PDCD4: variants seen among roughly 807,000 people sequenced by gnomAD.
The protein encoded by PDCD4 is programmed cell death 4, also known as programmed cell death protein 4.
In PDCD4, 56 loss-of-function variants were observed where a neutral mutation model predicts 54.0. The ratio of observed to expected loss-of-function variants is 1.04; its 90% CI spans 0.84 to 1.30. PDCD4 has a LOEUF of 1.30. PDCD4 is among the 50% of genes most tolerant of loss of function. The probability of loss-of-function intolerance (pLI) is 0.00; values close to 1 mark genes in which losing one functional copy is unlikely to be tolerated. For synonymous variants in PDCD4, 186 were observed against 194.8 expected (o/e 0.95, Z 0.37); for missense variants, 584 against 559.8 (o/e 1.04, Z -0.44).
intron 2 of PDCD4, among the ~76,000 whole-genome samples, chr10:110,880,961 TA>T (rs765488728): frequency 6.6e-6 from 1 of 152,226 alleles, no homozygotes; most frequent in Non-Finnish European, 1.5e-5. Context: ...CTTCTTTTGG[TA>T]AAAACAAACA....
At chr10:110,874,550 G>A (rs1027858541) in intron 1 of PDCD4, among the ~76,000 whole-genome samples, 5 of 151,676 alleles carry the variant, frequency 3.3e-5, no homozygotes, top group East Asian at 3.9e-4. Flanking sequence ...TAAAGTTGGC[G>A]GGAGTTATAG....
chr10:110,877,316 C>A (rs1271753398), intron 2 of PDCD4, among the ~76,000 whole-genome samples: 1 of 152,180 alleles, frequency 6.6e-6, no homozygotes, highest in Non-Finnish European at 1.5e-5. Context: ...AAGTGATCCT[C>A]CCTCTTCAGC....
chr10:110,878,476 T>G (rs945332868), intron 2 of PDCD4, among the ~76,000 whole-genome samples: 2 of 152,226 alleles, frequency 1.3e-5, no homozygotes, highest in African/African-American at 4.8e-5. Context: ...ATGAAAGCAC[T>G]ATGTTACAGG....
At chr10:110,878,766 T>C (rs1028395701) in intron 2 of PDCD4, among the ~76,000 whole-genome samples, 8 of 152,190 alleles carry the variant, frequency 5.3e-5, no homozygotes, top group Non-Finnish European at 1.0e-4. Flanking sequence ...AAAATGAGGA[T>C]AAACAGTTTC....
rs1845725276 is a variant in PDCD4, at chr10:110,889,578, T to C, written c.823T>C (p.Cys275Arg). The change falls in exon 7 of 12, where the codon TGT (cysteine) becomes CGT (arginine). Residue 275 changes from cysteine (C) to arginine (R), a missense_variant. Physicochemically the swap from Cys to Arg is radical, Grantham distance 180. Coordinates refer to ENST00000280154, the MANE Select transcript of PDCD4 (RefSeq NM_014456.5). ...TAGAGCTGTTGGAGATGGAATTTTA[T>C]GTAATACCTATATTGATAGTTACAA... is the stretch of plus-strand genomic sequence containing the variant. ...IARAVGDGILCNTYIDSYKGT... is the reference protein window; with the variant it reads ...IARAVGDGILRNTYIDSYKGT... The C allele has an allele frequency of 3.1e-6, 5 of 1,608,792 alleles. No homozygotes were observed. The highest frequency in any genetic ancestry group is 1.7e-4 in the Middle Eastern group (1 of 6,060).
chr10:110,876,203 C>A (rs1249013859), intron 2 of PDCD4, 133 bp downstream of exon 2: 1 of 604,456 alleles, frequency 1.7e-6, no homozygotes, highest in Non-Finnish European at 2.8e-6. Context: ...AGAGATCCTC[C>A]CCTATCTCAG....
chr10:110,894,067 C>G (rs1342043903), intron 8 of PDCD4, 24 bp from the exon 9 acceptor site: 1 of 1,361,914 alleles, frequency 7.3e-7, no homozygotes, highest in East Asian at 2.3e-5. Flanking sequence ...AATTCTGACA[C>G]ATCTCAACTT....
intron 4 of PDCD4, chr10:110,885,038 C>T: frequency 2.8e-6 from 1 of 363,450 alleles, no homozygotes; most frequent in Non-Finnish European, 5.0e-6. Context: ...TCAAGTGAAC[C>T]TCCCGCCTTT....
At position 110,889,610 on chromosome 10, in the gene PDCD4, T is replaced by G. The variant is rs199701059; in HGVS notation, c.855T>G (p.Thr285=). The change falls in exon 7 of 12, where the codon ACT becomes ACG. Residue 285 remains threonine (T), a synonymous_variant. Transcript: ENST00000280154. ...CCTATATTGATAGTTACAAAGGAAC[T>G]GTAGATTGTGTGCAGGCTAGGTAAG... ...CNTYIDSYKG[T]VDCVQARAAL... 1.3e-6 allele frequency: 2 copies of G among 1,591,566 alleles called. No individual in the cohort carries two copies. The highest frequency in any genetic ancestry group is 1.7e-5 in the Admixed American group (1 of 59,804).
Position 110,893,724 on chromosome 10 carries a change from C to T in PDCD4, c.991-367C>T, listed in dbSNP as rs749450025. Among the ~76,000 whole-genome samples the T allele has an allele frequency of 3.9e-5, 6 of 151,926 alleles. 1 individual carries two copies. Among genetic ancestry groups the T allele is most frequent in the Admixed American group, 2.0e-4 (3 of 15,230 alleles). ...TTGATAGAAGTGAAATATTTTGTGC[C>T]ACTTTATGTTGAAACTTTGTTAGTG... On this transcript the variant is annotated intron_variant, in intron 8 of 11. Coordinates refer to ENST00000280154, the MANE Select transcript of PDCD4 (RefSeq NM_014456.5).
chr10:110,882,892 G>A (rs987713571), intron 3 of PDCD4, 111 bp from the exon 4 acceptor site: 7 of 705,336 alleles, frequency 9.9e-6, no homozygotes, highest in East Asian at 3.0e-5. Flanking sequence ...AAACTAACAC[G>A]TTAAATACAA....
At chr10:110,872,998 G>C (rs1845445446) in intron 1 of PDCD4, among the ~76,000 whole-genome samples, 1 of 152,178 alleles carries the variant, frequency 6.6e-6, no homozygotes, top group Admixed American at 6.5e-5. Flanking sequence ...GGAAAAAAGG[G>C]TTTCCCCTGT....
chr10:110,876,292 C>G (rs1845503339), intron 2 of PDCD4, among the ~76,000 whole-genome samples: 1 of 152,130 alleles, frequency 6.6e-6, no homozygotes, highest in African/African-American at 2.4e-5. Context: ...TAGGATTTCA[C>G]TATGTTGCCT....
At position 110,898,389 on chromosome 10, in the gene PDCD4, T is replaced by C; in HGVS notation, c.*301T>C. ...CTAATCATTCCAAGTTTTGCATTGA[T>C]GTCTGACTGCCACTCCTTTCTTTCA... is the stretch of plus-strand genomic sequence containing the variant. On this transcript the variant is annotated 3_prime_UTR_variant, in exon 12 of 12. Transcript: ENST00000280154. 4.6e-6 allele frequency: 1 copy of C among 219,236 alleles called. No individual in the cohort carries two copies. The highest frequency in any genetic ancestry group is 8.9e-6 in the Non-Finnish European group (1 of 112,440). The allele number at this position is 219,236 out of a possible 1,614,324, so 13.6% of individuals were successfully genotyped here.
In PDCD4 at chr10:110,895,918, A is replaced by G. The variant is rs371187083; in HGVS notation, c.1210-30A>G. 2.0e-6 allele frequency: 3 copies of G among 1,523,394 alleles called. No individual in the cohort carries two copies. The African/African-American group carries it at 4.3e-5, about 22-fold the overall frequency. The allele number at this position is 1,523,394 out of a possible 1,614,324, so 94.4% of individuals were successfully genotyped here. On this transcript the variant is annotated intron_variant, in intron 10 of 11. Coordinates refer to ENST00000280154, the MANE Select transcript of PDCD4 (RefSeq NM_014456.5). ...TATGACATTTATTTTATATGGGCTA[A>G]CAATTCTGCATGTAATTTCATTGTT... is the stretch of plus-strand genomic sequence containing the variant.
At chr10:110,878,599 T>C (rs565639703) in intron 2 of PDCD4, among the ~76,000 whole-genome samples, 1 of 152,346 alleles carries the variant, frequency 6.6e-6, no homozygotes, top group South Asian at 2.1e-4. Context: ...TTATCTCTCT[T>C]TACATTCACG....
chr10:110,887,914 TCCCTC>T, intron 6 of PDCD4, 28 bp downstream of exon 6: 1 of 1,387,908 alleles, frequency 7.2e-7, no homozygotes, highest in Non-Finnish European at 1.0e-6. Context: ...TTTTGTTCAT[TCCCTC>T]CCACTACTAT....
chr10:110,881,529 AAG>A lies in PDCD4; in HGVS notation c.342_343del (p.Lys115ArgfsTer17). Reference sequence around the variant, plus strand: ...ATCTGGGAAAGGAAGGGGACTACCAAAGAAAGGTTGGTATATATCATGTCCAA... The same window carrying A: ...ATCTGGGAAAGGAAGGGGACTACCAAAAAGGTTGGTATATATCATGTCCAA... ...SRSGKGRGLP[K>X]KGGAGGKGVW... On this transcript the variant is annotated frameshift_variant, in exon 3 of 12. Coordinates refer to ENST00000280154, the MANE Select transcript of PDCD4 (RefSeq NM_014456.5). LOFTEE classifies it high-confidence loss of function. 6.2e-7 allele frequency: 1 copy of A among 1,610,124 alleles called. No homozygotes were observed. The highest frequency in any genetic ancestry group is 8.5e-7 in the Non-Finnish European group (1 of 1,176,984).
chr10:110,896,635 A>G (rs931070441), intron 11 of PDCD4, among the ~76,000 whole-genome samples: 2 of 152,064 alleles, frequency 1.3e-5, no homozygotes, highest in Non-Finnish European at 2.9e-5. Context: ...CCTTGGAGCT[A>G]TTAATATTTT....
Sources: gnomAD v4.1 joint callset for allele counts (sites outside exome capture counted in the v4.1 genomes callset) on GRCh38, gnomAD v4.1.1 for gene constraint, MANE v1.5 for transcripts, NCBI Gene and HGNC (gene_info 2026-07-23, HGNC 2026-07-21) for gene names.